MARCHF8: variants seen among roughly 807,000 people sequenced by gnomAD.
The protein encoded by MARCHF8 is membrane associated ring-CH-type finger 8, also known as E3 ubiquitin-protein ligase MARCHF8.
Under a neutral mutation model 51.6 loss-of-function variants are expected in MARCHF8, and 40 were observed. The observed-to-expected ratio is 0.77, with a 90% CI of 0.60 to 1.01. MARCHF8 has a LOEUF of 1.01. MARCHF8 is among the 50% of genes least tolerant of loss of function. The probability of loss-of-function intolerance (pLI) is 0.00; values close to 1 mark genes in which losing one functional copy is unlikely to be tolerated. For missense variants in MARCHF8, 685 were observed against 708.6 expected, an observed-to-expected ratio of 0.97 and a Z score of 0.38; for synonymous variants, 263 against 280.3, an observed-to-expected ratio of 0.94 and a Z score of 0.62.
intron 3 of MARCHF8, among the ~76,000 whole-genome samples, chr10:45,471,768 T>C (rs1213004771): frequency 6.6e-6 from 1 of 152,166 alleles, no homozygotes; most frequent in Non-Finnish European, 1.5e-5. Flanking sequence ...TCTACAGGGC[T>C]GCTACTAGGA....
intron 1 of MARCHF8, among the ~76,000 whole-genome samples, chr10:45,592,711 G>A (rs35713143): frequency 0.062 from 9,370 of 152,128 alleles, 330 homozygotes; most frequent in Non-Finnish European, 0.066. Flanking sequence ...AGGGTTTCTT[G>A]GCTGCTTGAA....
chr10:45,579,873 A>T (rs1306065877), intron 1 of MARCHF8, among the ~76,000 whole-genome samples: 3 of 151,824 alleles, frequency 2.0e-5, no homozygotes, highest in African/African-American at 7.2e-5. Flanking sequence ...AGTTAGCCGG[A>T]CGTGGTGGCG....
rs758117587 is a variant in MARCHF8, at chr10:45,461,388, T to A, written c.1112A>T (p.Asp371Val). 6.3e-7 allele frequency: 1 copy of A among 1,588,568 alleles called. No individual in the cohort carries two copies. The highest frequency in any genetic ancestry group is 8.6e-7 in the Non-Finnish European group (1 of 1,169,014). Residue 371 changes from aspartate to valine, a missense_variant, in exon 6 of 8, where the codon GAT becomes GTT. Asp to Val is a radical substitution (Grantham distance 152). Coordinates refer to ENST00000453424, the MANE Select transcript of MARCHF8 (RefSeq NM_001282866.2). ...GCAGGGGGTGATCAGGGGGCTCTCA[T>A]CATCTCCTTCACAGTGGCAGATCCT... ...VCRICHCEGD[D>V]ESPLITPCHC...
At chr10:45,552,727 T>C (rs1189403178) in intron 1 of MARCHF8, among the ~76,000 whole-genome samples, 2 of 152,204 alleles carry the variant, frequency 1.3e-5, no homozygotes, top group African/African-American at 4.8e-5. Context: ...AATAGATTAG[T>C]GAATGCCCAG....
intron 1 of MARCHF8, among the ~76,000 whole-genome samples, chr10:45,548,538 A>T (rs2044155242): frequency 6.6e-6 from 1 of 152,218 alleles, no homozygotes; most frequent in African/African-American, 2.4e-5. Flanking sequence ...GAAATTATGG[A>T]ATAGCCACAG....
At chr10:45,491,871 A>G (rs1589115337) in intron 2 of MARCHF8, among the ~76,000 whole-genome samples, 1 of 152,212 alleles carries the variant, frequency 6.6e-6, no homozygotes, top group South Asian at 2.1e-4. Flanking sequence ...CTGGTTTGAC[A>G]CCATCTGGAA....
intron 1 of MARCHF8, among the ~76,000 whole-genome samples, chr10:45,542,637 G>A (rs2044069241): frequency 6.6e-6 from 1 of 152,112 alleles, no homozygotes; most frequent in African/African-American, 2.4e-5. Context: ...TTGAATAAGA[G>A]AGTATGGGCT....
intron 2 of MARCHF8, among the ~76,000 whole-genome samples, chr10:45,501,875 CAT>C (rs1395760159): frequency 1.3e-5 from 2 of 152,148 alleles, no homozygotes; most frequent in East Asian, 3.9e-4. Context: ...CAAATAAGCA[CAT>C]GAGAAGATGT....
In MARCHF8 at chr10:45,471,586, G is replaced by A. The variant is rs187847355; in HGVS notation, c.154-7259C>T. Among the ~76,000 whole-genome samples the A allele has an allele frequency of 1.6e-3, 250 of 152,204 alleles. 1 individual carries two copies. The highest frequency in any genetic ancestry group is 5.3e-3 in the African/African-American group (220 of 41,538). ...AATATTGAACTTTTCAAATATAGTC[G>A]AAATACATTTTCATTGCCAAGAGGC... On this transcript the variant is annotated intron_variant, in intron 3 of 7. Transcript: ENST00000453424.
intron 1 of MARCHF8, among the ~76,000 whole-genome samples, chr10:45,582,031 AAT>A (rs1491313015): frequency 6.6e-6 from 1 of 152,128 alleles, no homozygotes; most frequent in Non-Finnish European, 1.5e-5. Context: ...GTCACGCCAC[AAT>A]ATGTTTTTTA....
At chr10:45,490,289 A>G (rs1002872084) in intron 2 of MARCHF8, among the ~76,000 whole-genome samples, 4 of 152,218 alleles carry the variant, frequency 2.6e-5, no homozygotes, top group Admixed American at 2.6e-4. Context: ...GACTTTAAAG[A>G]TGTAATTAAG....
chr10:45,579,906 G>A (rs1018768834), intron 1 of MARCHF8, among the ~76,000 whole-genome samples: 15 of 150,700 alleles, frequency 1.0e-4, no homozygotes, highest in African/African-American at 2.0e-4. Flanking sequence ...CCAGCTACTC[G>A]GGAGGCTGAG....
intron 3 of MARCHF8, among the ~76,000 whole-genome samples, chr10:45,479,362 A>C (rs2042844330): frequency 6.6e-6 from 1 of 152,236 alleles, no homozygotes; most frequent in Admixed American, 6.5e-5. Flanking sequence ...TAAAGGCTAT[A>C]TATGACAAAC....
At chr10:45,461,948 CCATTA>C (rs944796931) in intron 5 of MARCHF8, 1 of 152,242 alleles carries the variant, frequency 6.6e-6, no homozygotes, top group Non-Finnish European at 1.5e-5. Flanking sequence ...AAAAAACTCA[CCATTA>C]CAAGATGCTG....
chr10:45,574,329 G>T (rs911381889), intron 1 of MARCHF8, among the ~76,000 whole-genome samples: 8 of 152,148 alleles, frequency 5.3e-5, no homozygotes, highest in Non-Finnish European at 8.8e-5. Flanking sequence ...AGTCTTACAG[G>T]TTAGTTCAGG....
chr10:45,505,355 G>T (rs533734563), intron 2 of MARCHF8, among the ~76,000 whole-genome samples: 1 of 152,342 alleles, frequency 6.6e-6, no homozygotes, highest in South Asian at 2.1e-4. Flanking sequence ...GACTTCACTT[G>T]TATCTATTAA....
intron 3 of MARCHF8, among the ~76,000 whole-genome samples, chr10:45,481,202 C>A (rs745350217): frequency 2.6e-5 from 4 of 152,240 alleles, no homozygotes; most frequent in Non-Finnish European, 4.4e-5. Context: ...TATCCAGTGC[C>A]TGTGCCCCCA....
At chr10:45,531,676 A>C (rs1466012311) in intron 2 of MARCHF8, among the ~76,000 whole-genome samples, 1 of 152,190 alleles carries the variant, frequency 6.6e-6, no homozygotes, top group African/African-American at 2.4e-5. Flanking sequence ...TACTGTATAA[A>C]AGTCATTAAC....
At chr10:45,473,983 G>A (rs1237424720) in intron 3 of MARCHF8, among the ~76,000 whole-genome samples, 1 of 152,090 alleles carries the variant, frequency 6.6e-6, no homozygotes, top group Non-Finnish European at 1.5e-5. Flanking sequence ...CATCTTCTCT[G>A]AGCAGTCCTT....
Sources: allele counts gnomAD v4.1 joint callset (sites outside exome capture counted in the v4.1 genomes callset), GRCh38; gene constraint gnomAD v4.1.1; transcripts MANE v1.5; gene names NCBI Gene and HGNC (gene_info 2026-07-23, HGNC 2026-07-21).